The following NFATC1 variants were observed in gnomAD, a reference collection of about 807,000 sequenced individuals.
NFATC1 encodes nuclear factor of activated T-cells, cytoplasmic 1.
Under a neutral mutation model 76.0 loss-of-function variants are expected in NFATC1, and 22 were observed. The ratio of observed to expected loss-of-function variants is 0.29; its 90% CI spans 0.21 to 0.41. The LOEUF is 0.41. Ranked by LOEUF, NFATC1 falls within the 10% of genes least tolerant of loss-of-function variation. The pLI is 1.00. For missense variants in NFATC1, 1,357 were observed against 1,337.7 expected, an observed-to-expected ratio of 1.01 and a Z score of -0.23; for synonymous variants, 704 against 613.1, an observed-to-expected ratio of 1.15 and a Z score of -2.19.
intron 8 of NFATC1, among the ~76,000 whole-genome samples, chr18:79,480,262 C>T (rs73969678): frequency 6.6e-6 from 1 of 152,178 alleles, no homozygotes; most frequent in African/African-American, 2.4e-5. Context: ...CTGAGAGGAG[C>T]GTGTTGCCAC....
intron 1 of NFATC1, among the ~76,000 whole-genome samples, chr18:79,397,436 C>T (rs2085045311): frequency 6.0e-5 from 2 of 33,572 alleles, no homozygotes; most frequent in Non-Finnish European, 1.7e-4. Context: ...GCTCCCCCAG[C>T]TCTGGAAAAC....
chr18:79,442,360 C>T (rs894638158), intron 3 of NFATC1, among the ~76,000 whole-genome samples: 8 of 152,248 alleles, frequency 5.3e-5, no homozygotes, highest in African/African-American at 1.9e-4. Flanking sequence ...TGCCTTCGTG[C>T]AGGTGACAGC....
chr18:79,482,430 A>G (rs2089315036), intron 8 of NFATC1, among the ~76,000 whole-genome samples: 1 of 126,084 alleles, frequency 7.9e-6, no homozygotes, highest in Non-Finnish European at 1.6e-5. Context: ...TTCCAGCGTG[A>G]CCTGGTCCTG....
intron 7 of NFATC1, among the ~76,000 whole-genome samples, chr18:79,464,759 C>T (rs1161132270): frequency 1.4e-5 from 2 of 145,586 alleles, no homozygotes; most frequent in African/African-American, 5.1e-5. Flanking sequence ...AGGCTGGAGT[C>T]CAGTGGCTTG....
intron 2 of NFATC1, among the ~76,000 whole-genome samples, chr18:79,428,573 AG>A (rs1459281398): frequency 3.9e-5 from 6 of 152,364 alleles, no homozygotes; most frequent in Middle Eastern, 3.4e-3. Context: ...ACAACAACAG[AG>A]GGGAACAGCC....
At chr18:79,423,387 C>T (rs889076471) in intron 2 of NFATC1, among the ~76,000 whole-genome samples, 6 of 152,248 alleles carry the variant, frequency 3.9e-5, no homozygotes, top group African/African-American at 1.4e-4. Flanking sequence ...GGAGGCTGCC[C>T]ATGCACCCGG....
chr18:79,441,057 G>A (rs1270990000), intron 3 of NFATC1, among the ~76,000 whole-genome samples: 1 of 152,184 alleles, frequency 6.6e-6, no homozygotes, highest in Admixed American at 6.5e-5. Context: ...GCTGGGAACA[G>A]CACAGATGGC....
chr18:79,425,177 CTCTCTG>C (rs1442569458), intron 2 of NFATC1, among the ~76,000 whole-genome samples: 2 of 129,684 alleles, frequency 1.5e-5, no homozygotes, highest in Non-Finnish European at 3.7e-5. Flanking sequence ...CTCCATCTGT[CTCTCTG>C]TCTCTGTCTC....
chr18:79,463,561 C>A (rs966711493), intron 7 of NFATC1, among the ~76,000 whole-genome samples: 1 of 152,252 alleles, frequency 6.6e-6, no homozygotes, highest in Admixed American at 6.5e-5. Context: ...GCTGGCCGGG[C>A]GTTTGCAACT....
intron 2 of NFATC1, among the ~76,000 whole-genome samples, chr18:79,431,926 C>T (rs1471378371): frequency 6.6e-6 from 1 of 152,258 alleles, no homozygotes; most frequent in African/African-American, 2.4e-5. Context: ...TGGTCTCAAT[C>T]TCCTGACCTT....
chr18:79,427,044 A>G (rs868751528), intron 2 of NFATC1, among the ~76,000 whole-genome samples: 3 of 152,136 alleles, frequency 2.0e-5, no homozygotes, highest in African/African-American at 7.2e-5. Context: ...CTGTGGCCAC[A>G]TGAGCTGGGC....
chr18:79,410,446 G>C lies in NFATC1; in HGVS notation c.171G>C (p.Pro57=). Reference sequence around the variant, plus strand: ...CCTCCAACGTCAGCCCCGCCCTGCCGCTCCCCACGGCGCACTCCACCCTGC... The same window carrying C: ...CCTCCAACGTCAGCCCCGCCCTGCCCCTCCCCACGGCGCACTCCACCCTGC... ...YASSNVSPAL[P]LPTAHSTLPA... Residue 57 remains proline, a synonymous_variant, in exon 2 of 10, where the codon CCG becomes CCC. Transcript: ENST00000427363. The surrounding 1 kb of genome is among the most constrained non-coding windows in gnomAD (Gnocchi z 6.7). 1 of 1,611,860 alleles carries C rather than the reference G, an allele frequency of 6.2e-7. No individual in the cohort carries two copies. The highest frequency in any genetic ancestry group is 8.5e-7 in the Non-Finnish European group (1 of 1,179,718).
At chr18:79,467,412 G>C in intron 7 of NFATC1, 38 bp from the exon 8 acceptor site, 1 of 1,521,796 alleles carries the variant, frequency 6.6e-7, no homozygotes, top group South Asian at 1.2e-5. Context: ...TCGCCTGCCC[G>C]GTGCTGATTG....
chr18:79,396,748 C>T (rs976979411), intron 1 of NFATC1, among the ~76,000 whole-genome samples: 3 of 151,986 alleles, frequency 2.0e-5, no homozygotes, highest in Non-Finnish European at 4.4e-5. Flanking sequence ...TCTTCCTGAG[C>T]GAGGCAGAGC....
chr18:79,517,883 A>G lies in NFATC1; in HGVS notation c.2783-9645A>G, dbSNP rs113311600. Among the ~76,000 whole-genome samples the G allele has an allele frequency of 3.8e-3, 584 of 152,334 alleles. 3 individuals are homozygous for G. Among genetic ancestry groups the G allele is most frequent in the African/African-American group, 0.012 (499 of 41,582 alleles). ...AATATGCTTTTTAAAAATTGACACA[A>G]AAATCGTTTATGCAAGTTATAGTCT... On this transcript the variant is annotated intron_variant, in intron 9 of 9. Transcript: ENST00000427363.
chr18:79,465,153 C>T lies in NFATC1; in HGVS notation c.1960-2297C>T, dbSNP rs565943321. On this transcript the variant is annotated intron_variant, in intron 7 of 9. Coordinates refer to ENST00000427363, the MANE Select transcript of NFATC1 (RefSeq NM_001278669.2). The surrounding 1 kb of genome is among the most constrained non-coding windows in gnomAD (Gnocchi z 4.2). ...TTTGGAACCCGTATTTTTTCCGGTA[C>T]AGACGAGTTTCCCTCTCCCTTCCTG... Among the ~76,000 whole-genome samples, 1 of 152,274 alleles carries T rather than the reference C, an allele frequency of 6.6e-6. No homozygotes were observed. Among genetic ancestry groups the T allele is most frequent in the Admixed American group, 6.5e-5 (1 of 15,298 alleles).
In NFATC1 at chr18:79,500,799, A is replaced by G. The variant is rs147349879; in HGVS notation, c.2782+13862A>G. 6.5e-4 allele frequency among the ~76,000 whole-genome samples: 99 copies of G among 152,322 alleles called. 1 individual carries two copies. Among genetic ancestry groups the G allele is most frequent in the African/African-American group, 2.2e-3 (93 of 41,582 alleles). Reference sequence around the variant, plus strand: ...GAATTACCTAAACTGACTCAGGAAGAAACAGAAAAGTATAATAGACCTATA... The same window carrying G: ...GAATTACCTAAACTGACTCAGGAAGGAACAGAAAAGTATAATAGACCTATA... On this transcript the variant is annotated intron_variant, in intron 9 of 9. Coordinates refer to ENST00000427363, the MANE Select transcript of NFATC1 (RefSeq NM_001278669.2).
In NFATC1 at chr18:79,486,956, G is replaced by A. The variant is rs199824263; in HGVS notation, c.2782+19G>A. On this transcript the variant is annotated intron_variant, in intron 9 of 9. Coordinates refer to ENST00000427363, the MANE Select transcript of NFATC1 (RefSeq NM_001278669.2). ...GATGACGGTGAGTGCCCGCAGCCAT[G>A]CAGGTGTGTGCCCCGCCTGGCGCCA... The A allele has an allele frequency of 6.4e-5, 101 of 1,571,202 alleles. No individual in the cohort carries two copies. The East Asian group carries it at 2.2e-3, about 35-fold the overall frequency.
intron 1 of NFATC1, chr18:79,402,477 G>T: frequency 3.6e-6 from 3 of 824,854 alleles, no homozygotes; most frequent in Non-Finnish European, 4.4e-6. Context: ...ACCCTCGCAG[G>T]CACCCTGGGC....
Sources: gnomAD v4.1 joint callset for allele counts (sites outside exome capture counted in the v4.1 genomes callset) on GRCh38, gnomAD v4.1.1 for gene constraint, Gnocchi (gnomAD v3.1) non-coding constraint, MANE v1.5 for transcripts, NCBI Gene and HGNC (gene_info 2026-07-23, HGNC 2026-07-21) for gene names.